Variants in PTPRM observed in about 807,000 individuals in gnomAD.
PTPRM encodes receptor-type tyrosine-protein phosphatase mu.
Under a neutral mutation model 186.7 loss-of-function variants are expected in PTPRM, and 47 were observed. The ratio of observed to expected loss-of-function variants is 0.25; its 90% CI spans 0.20 to 0.32. The LOEUF is 0.32. PTPRM is among the 10% of genes least tolerant of loss of function. The probability of loss-of-function intolerance (pLI) is 1.00; values close to 1 mark genes in which losing one functional copy is unlikely to be tolerated. For missense variants in PTPRM, 1,494 were observed against 1,865.0 expected (o/e 0.80, Z 3.66); for synonymous variants, 668 against 674.9 (o/e 0.99, Z 0.16).
At position 7,717,381 on chromosome 18, in the gene PTPRM, C is replaced by T. The variant is rs181510133; in HGVS notation, c.74-56768C>T. 2.6e-4 allele frequency among the ~76,000 whole-genome samples: 40 copies of T among 152,228 alleles called. No homozygotes were observed. The East Asian group carries it at 7.7e-3, about 29-fold the overall frequency. ...CTTCGAAGAAGAATCAGATCAGAGACGGCTGGACTTGAGGGAAAGATTACC... is the reference window on the plus strand; with the variant it reads ...CTTCGAAGAAGAATCAGATCAGAGATGGCTGGACTTGAGGGAAAGATTACC... On this transcript the variant is annotated intron_variant, in intron 1 of 32. Transcript: ENST00000580170.
intron 14 of PTPRM, among the ~76,000 whole-genome samples, chr18:8,189,552 GT>G (rs1282572404): frequency 6.6e-6 from 1 of 152,166 alleles, no homozygotes; most frequent in Non-Finnish European, 1.5e-5. Context: ...GCCATAGAAA[GT>G]TTTTGGGATG....
At chr18:7,618,420 AT>A in intron 1 of PTPRM, among the ~76,000 whole-genome samples, 1 of 152,266 alleles carries the variant, frequency 6.6e-6, no homozygotes, top group Admixed American at 6.5e-5. Flanking sequence ...TTTAACTCAG[AT>A]TTATCACAGT....
chr18:7,863,052 C>T (rs986667664), intron 2 of PTPRM, among the ~76,000 whole-genome samples: 2 of 152,124 alleles, frequency 1.3e-5, no homozygotes, highest in Admixed American at 6.6e-5. Context: ...GAATAAGATT[C>T]GTTCTCACAA....
At chr18:7,832,655 G>A (rs906038114) in intron 2 of PTPRM, among the ~76,000 whole-genome samples, 1 of 152,128 alleles carries the variant, frequency 6.6e-6, no homozygotes, top group African/African-American at 2.4e-5. Flanking sequence ...GCTTTTGGTT[G>A]CTGGTACTTG....
intron 4 of PTPRM, among the ~76,000 whole-genome samples, chr18:7,926,018 T>C (rs1488173786): frequency 3.3e-5 from 5 of 152,240 alleles, no homozygotes; most frequent in African/African-American, 1.2e-4. Context: ...TCAGCATCAT[T>C]TCACAGAGTG....
At chr18:8,089,795 T>C (rs2090617542) in intron 11 of PTPRM, among the ~76,000 whole-genome samples, 1 of 152,214 alleles carries the variant, frequency 6.6e-6, no homozygotes, top group Non-Finnish European at 1.5e-5. Flanking sequence ...TTAGATTTCT[T>C]TCTATTCAGT....
intron 9 of PTPRM, among the ~76,000 whole-genome samples, chr18:8,077,407 G>A (rs1218533138): frequency 1.3e-5 from 2 of 151,974 alleles, no homozygotes; most frequent in African/African-American, 4.8e-5. Flanking sequence ...GACCCAACTA[G>A]CCTCACATTT....
At chr18:8,010,754 G>T (rs1383980102) in intron 7 of PTPRM, among the ~76,000 whole-genome samples, 1 of 152,100 alleles carries the variant, frequency 6.6e-6, no homozygotes, top group African/African-American at 2.4e-5. Context: ...GAGGCTGAAG[G>T]TGTCTTTGAA....
chr18:8,090,289 C>T (rs1024108214), intron 11 of PTPRM, among the ~76,000 whole-genome samples: 1 of 152,144 alleles, frequency 6.6e-6, no homozygotes, highest in Non-Finnish European at 1.5e-5. Context: ...TTGGGAGTGT[C>T]ATTTGTTTCT....
At chr18:7,900,961 A>T (rs1291684652) in intron 3 of PTPRM, among the ~76,000 whole-genome samples, 1 of 152,256 alleles carries the variant, frequency 6.6e-6, no homozygotes, top group East Asian at 1.9e-4. Context: ...GTTTCATAAA[A>T]ATGAACATGG....
Position 7,950,478 on chromosome 18 carries a change from A to G in PTPRM, c.838+1123A>G, listed in dbSNP as rs1167191026. Among the ~76,000 whole-genome samples the G allele has an allele frequency of 2.0e-5, 3 of 152,206 alleles. No individual in the cohort carries two copies. The East Asian group carries it at 5.8e-4, about 29-fold the overall frequency. On this transcript the variant is annotated intron_variant, in intron 6 of 32. Transcript: ENST00000580170. ...TATCTGCACATTTCTCAAGATAGGCAGCTTTAAAGATTGCTGGATTCAAAT... is the reference window on the plus strand; with the variant it reads ...TATCTGCACATTTCTCAAGATAGGCGGCTTTAAAGATTGCTGGATTCAAAT...
intron 1 of PTPRM, among the ~76,000 whole-genome samples, chr18:7,716,334 A>C (rs2040330754): frequency 6.6e-6 from 1 of 151,972 alleles, no homozygotes; most frequent in Non-Finnish European, 1.5e-5. Flanking sequence ...ACAAAAATTA[A>C]CTCAAGATGG....
chr18:7,705,309 A>G lies in PTPRM; in HGVS notation c.74-68840A>G, dbSNP rs148759320. ...TATCTATCTATCTATCTATCTATCT[A>G]TCTATCTATCTATCTATCTGTCTAT... On this transcript the variant is annotated intron_variant, in intron 1 of 32. Coordinates refer to ENST00000580170, the MANE Select transcript of PTPRM (RefSeq NM_001105244.2). Among the ~76,000 whole-genome samples the G allele has an allele frequency of 7.0e-3, 1,034 of 146,990 alleles. 17 individuals carry two copies. The highest frequency in any genetic ancestry group is 0.024 in the African/African-American group (1,001 of 41,080).
Position 8,195,511 on chromosome 18 carries a change from G to A in PTPRM, c.2301-48547G>A, listed in dbSNP as rs1262027314. Among the ~76,000 whole-genome samples the A allele has an allele frequency of 3.9e-5, 6 of 152,202 alleles. No individual in the cohort carries two copies. In the East Asian group the frequency reaches 1.2e-3, roughly 29 times the overall value. ...ACCTCGTATGCATCAGTGGATGATT[G>A]TATAAAGAAAGTATGGTATCTGTAC... On this transcript the variant is annotated intron_variant, in intron 14 of 32. Coordinates refer to ENST00000580170, the MANE Select transcript of PTPRM (RefSeq NM_001105244.2).
chr18:7,862,653 AC>A, intron 2 of PTPRM, among the ~76,000 whole-genome samples: 1 of 152,304 alleles, frequency 6.6e-6, no homozygotes, highest in African/African-American at 2.4e-5. Flanking sequence ...AAACTTGATA[AC>A]TTTGCTGTGG....
chr18:7,853,706 A>C (rs1339052251), intron 2 of PTPRM, among the ~76,000 whole-genome samples: 1 of 151,938 alleles, frequency 6.6e-6, no homozygotes, highest in Non-Finnish European at 1.5e-5. Context: ...GAAAGGGGGA[A>C]TAGAATGTGA....
intron 5 of PTPRM, among the ~76,000 whole-genome samples, chr18:7,934,242 G>A (rs749167593): frequency 6.6e-6 from 1 of 152,096 alleles, no homozygotes; most frequent in Non-Finnish European, 1.5e-5. Flanking sequence ...CTCTTCCTTT[G>A]AGGAGTTTAA....
intron 14 of PTPRM, among the ~76,000 whole-genome samples, chr18:8,198,204 T>A (rs1288446298): frequency 6.6e-6 from 1 of 152,214 alleles, no homozygotes; most frequent in Non-Finnish European, 1.5e-5. Context: ...TGGAGTGTTG[T>A]GGCACAAACA....
At chr18:7,602,037 A>G (rs2143754471) in intron 1 of PTPRM, among the ~76,000 whole-genome samples, 1 of 152,290 alleles carries the variant, frequency 6.6e-6, no homozygotes, top group African/African-American at 2.4e-5. Flanking sequence ...CATTATTTGC[A>G]TTTTACTGAT....
Sources: allele counts gnomAD v4.1 joint callset (sites outside exome capture counted in the v4.1 genomes callset), GRCh38; gene constraint gnomAD v4.1.1; transcripts MANE v1.5; gene names NCBI Gene and HGNC (gene_info 2026-07-23, HGNC 2026-07-21).